SCAF11: variants seen among roughly 807,000 people sequenced by gnomAD.
The protein encoded by SCAF11 is protein SCAF11.
SCAF11 carries 47 observed loss-of-function variants against 140.5 expected under a neutral mutation model. The ratio of observed to expected loss-of-function variants is 0.33; its 90% CI spans 0.26 to 0.43. The LOEUF is 0.43. SCAF11 is among the 20% of genes least tolerant of loss of function. SCAF11 has a pLI of 1.00. For synonymous variants in SCAF11, 557 were observed against 579.4 expected, an observed-to-expected ratio of 0.96 and a Z score of 0.55; for missense variants, 1,645 against 1,705.1, an observed-to-expected ratio of 0.96 and a Z score of 0.62.
intron 6 of SCAF11, among the ~76,000 whole-genome samples, chr12:45,937,963 G>A (rs942473107): frequency 3.3e-5 from 5 of 152,192 alleles, no homozygotes; most frequent in Non-Finnish European, 7.4e-5. Flanking sequence ...CCATATCTCT[G>A]CCTTCACAGA....
chr12:45,954,273 C>T (rs1945622505), intron 3 of SCAF11, among the ~76,000 whole-genome samples: 1 of 151,924 alleles, frequency 6.6e-6, no homozygotes, highest in African/African-American at 2.4e-5. Context: ...GCTCTGTCCC[C>T]CAGGCTGGAG....
At position 45,927,482 on chromosome 12, in the gene SCAF11, T is replaced by G; in HGVS notation, c.2219A>C (p.Asp740Ala). ...ESEVEPSVNA[D>A]LKQMNENSVT... ...AGAATTTTCATTCATTTGTTTAAGATCAGCATTTACAGATGGTTCAACTTC... is the reference window on the plus strand; with the variant it reads ...AGAATTTTCATTCATTTGTTTAAGAGCAGCATTTACAGATGGTTCAACTTC... The change falls in exon 11 of 15, where the codon GAT becomes GCT. Residue 740 changes from aspartate (D) to alanine (A), a missense_variant. By Grantham distance (126) the Asp-to-Ala change is moderately radical (BLOSUM62 -2). Coordinates refer to ENST00000369367, the MANE Select transcript of SCAF11 (RefSeq NM_004719.3). 1 of 1,613,808 alleles carries G rather than the reference T, an allele frequency of 6.2e-7. No individual in the cohort carries two copies. The highest frequency in any genetic ancestry group is 1.3e-5 in the African/African-American group (1 of 75,024).
Position 45,926,499 on chromosome 12 carries a change from C to A in SCAF11, c.3202G>T (p.Val1068Leu). The A allele has an allele frequency of 6.2e-7, 1 of 1,614,156 alleles. No homozygotes were observed. Among genetic ancestry groups the A allele is most frequent in the African/African-American group, 1.3e-5 (1 of 75,056 alleles). The change falls in exon 11 of 15, where the codon GTA (valine) becomes TTA (leucine). Residue 1068 changes from valine to leucine, a missense_variant. Physicochemically the swap from Val to Leu is conservative, Grantham distance 32 (BLOSUM62 1). Around this residue, in one of 2 missense-constraint regions of SCAF11, gnomAD observed 1,582 missense variants for 1,609.2 expected, o/e 0.98. Transcript: ENST00000369367. ...CCTCTGCCTCTACCACGGTTAGATA[C>A]CCAACCAGAACCAAAGTTTTTATTC... ...SWNKNFGSGWVSNRGRGRGNR... is the reference protein window; with the variant it reads ...SWNKNFGSGWLSNRGRGRGNR...
intron 5 of SCAF11, among the ~76,000 whole-genome samples, chr12:45,948,100 G>A (rs940526340): frequency 1.3e-5 from 2 of 152,070 alleles, no homozygotes; most frequent in African/African-American, 4.8e-5. Flanking sequence ...TTATTTTTTA[G>A]TAGAGACAGA....
chr12:45,927,779 T>G lies in SCAF11; in HGVS notation c.1922A>C (p.Glu641Ala). 4.3e-6 allele frequency: 7 copies of G among 1,613,378 alleles called. No homozygotes were observed. The highest frequency in any genetic ancestry group is 5.9e-6 in the Non-Finnish European group (7 of 1,179,564). ...ACATGTTGCAATTATTTCTACATCT[T>G]CAGTTTCAACATGCCCAAGCAATTG... ...EVQLLGHVETEDVEIIATCDT... is the reference protein window; with the variant it reads ...EVQLLGHVETADVEIIATCDT... The change falls in exon 11 of 15, where the codon GAA becomes GCA. Residue 641 changes from glutamate (E) to alanine (A), a missense_variant. Physicochemically the swap from Glu to Ala is moderately radical, Grantham distance 107. Transcript: ENST00000369367.
At chr12:45,959,657 G>A (rs1945778363) in intron 3 of SCAF11, among the ~76,000 whole-genome samples, 1 of 152,174 alleles carries the variant, frequency 6.6e-6, no homozygotes, top group South Asian at 2.1e-4. Context: ...GCACTTACAT[G>A]CTTTGAAACA....
chr12:45,980,453 T>C (rs965105165), intron 1 of SCAF11, among the ~76,000 whole-genome samples: 1 of 152,154 alleles, frequency 6.6e-6, no homozygotes, highest in African/African-American at 2.4e-5. Flanking sequence ...AACAAACCAC[T>C]ATGATCTTGA....
rs141229062 is a variant in SCAF11 at position 45,919,628 on chromosome 12, T to C, written c.*2420A>G. On this transcript the variant is annotated 3_prime_UTR_variant, in exon 15 of 15. Coordinates refer to ENST00000369367, the MANE Select transcript of SCAF11 (RefSeq NM_004719.3). ...ATTAAAGCAATGTATTTTTTCAACA[T>C]AAAGCATGCATTTTCTAATACATTC... 8.5e-5 allele frequency: 13 copies of C among 152,328 alleles called. No individual in the cohort carries two copies. In the East Asian group the frequency reaches 2.5e-3, roughly 29 times the overall value. The allele number at this position is 152,328 out of a possible 1,614,324, so 9.4% of individuals were successfully genotyped here.
intron 3 of SCAF11, chr12:45,953,916 T>C (rs1011305287): frequency 1.1e-6 from 1 of 942,002 alleles, no homozygotes; most frequent in Non-Finnish European, 1.4e-6. Context: ...CAACTAGTTT[T>C]AGTAACAAAA....
intron 9 of SCAF11, 129 bp downstream of exon 9, chr12:45,933,002 A>G (rs1343045876): frequency 6.6e-6 from 4 of 607,512 alleles, no homozygotes; most frequent in Admixed American, 3.0e-5. Context: ...TTGAAACACC[A>G]AAGTTTAATT....
At chr12:45,923,259 T>C in intron 12 of SCAF11, 105 bp from the exon 13 acceptor site, 2 of 899,708 alleles carry the variant, frequency 2.2e-6, no homozygotes, top group East Asian at 2.5e-5. Flanking sequence ...AAACCAACCT[T>C]AGTACTAAAG....
rs1944906786 is a variant in SCAF11 at position 45,927,395 on chromosome 12, G to A, written c.2306C>T (p.Thr769Ile). 2 of 1,613,936 alleles carry A rather than the reference G, an allele frequency of 1.2e-6. No homozygotes were observed. The highest frequency in any genetic ancestry group is 1.6e-4 in the Middle Eastern group (1 of 6,062). ...SSDLADEKVE[T>I]VSQPSESPKD... is the part of the protein sequence containing the mutation. ...TGGGCTTTCAGATGGTTGAGAAACA[G>A]TTTCAACCTTTTCATCCGCAAGATC... is the stretch of plus-strand genomic sequence containing the variant. Residue 769 changes from threonine (T) to isoleucine (I), a missense_variant, in exon 11 of 15, where the codon ACT (threonine) becomes ATT (isoleucine). Physicochemically the swap from Thr to Ile is moderately conservative, Grantham distance 89 (BLOSUM62 -1). This residue lies in a region of SCAF11 where 1,582 missense variants were observed against 1,609.2 expected (regional missense o/e 0.98). Transcript: ENST00000369367.
chr12:45,985,208 T>A (rs1358141764), intron 1 of SCAF11, among the ~76,000 whole-genome samples: 1 of 152,222 alleles, frequency 6.6e-6, no homozygotes, highest in Non-Finnish European at 1.5e-5. Context: ...AGATTTGTTC[T>A]TGTTTTCTCC....
chr12:45,959,785 G>T (rs376651498), intron 3 of SCAF11, among the ~76,000 whole-genome samples: 2 of 152,060 alleles, frequency 1.3e-5, no homozygotes, highest in African/African-American at 4.8e-5. Context: ...TTGCTCTCTT[G>T]TTACTGCTCA....
chr12:45,961,409 G>A, intron 3 of SCAF11: 1 of 665,226 alleles, frequency 1.5e-6, no homozygotes, highest in South Asian at 1.7e-5. Context: ...CAAGTACACT[G>A]AAAAATTAAT....
intron 10 of SCAF11, chr12:45,929,148 A>AT (rs780794291): frequency 0.01 from 1,558 of 155,694 alleles, 3 homozygotes; most frequent in East Asian, 0.049. Flanking sequence ...TACTTGCTTA[A>AT]TTTTTTTTTT....
At chr12:45,961,419 T>C (rs1945824798) in intron 3 of SCAF11, 1 of 651,508 alleles carries the variant, frequency 1.5e-6, no homozygotes, top group African/African-American at 1.8e-5. Context: ...GAAAAATTAA[T>C]TACTGCATTT....
chr12:45,946,908 T>C (rs778289522), intron 5 of SCAF11, among the ~76,000 whole-genome samples: 11 of 152,196 alleles, frequency 7.2e-5, no homozygotes, highest in Non-Finnish European at 1.3e-4. Context: ...TGAAATCATA[T>C]ACAAAGTTTT....
intron 3 of SCAF11, among the ~76,000 whole-genome samples, chr12:45,956,544 T>C (rs1332197177): frequency 1.3e-5 from 2 of 152,180 alleles, no homozygotes; most frequent in Non-Finnish European, 2.9e-5. Flanking sequence ...TGTCAATCCA[T>C]ATTAGTGAAA....
Sources: gnomAD v4.1 joint callset for allele counts (sites outside exome capture counted in the v4.1 genomes callset) on GRCh38, gnomAD v4.1.1 for gene constraint, gnomAD v4.1.1 regional missense constraint, MANE v1.5 for transcripts, NCBI Gene and HGNC (gene_info 2026-07-23, HGNC 2026-07-21) for gene names.